The following TRIP12 variants were observed in gnomAD, a reference collection of about 807,000 sequenced individuals.
TRIP12 encodes E3 ubiquitin-protein ligase TRIP12.
A neutral mutation model predicts 244.2 loss-of-function variants in TRIP12; 25 were observed. That is an observed-to-expected ratio of 0.10 (90% CI 0.07 to 0.14). The LOEUF is 0.14. Among genes scored for constraint, TRIP12 ranks in the 10% least tolerant of loss-of-function variants. The probability of loss-of-function intolerance (pLI) is 1.00; values close to 1 mark genes in which losing one functional copy is unlikely to be tolerated. For synonymous variants in TRIP12, 905 were observed against 873.1 expected, an observed-to-expected ratio of 1.04 and a Z score of -0.64; for missense variants, 1,677 against 2,486.4, an observed-to-expected ratio of 0.67 and a Z score of 6.92.
intron 1 of TRIP12, among the ~76,000 whole-genome samples, chr2:229,896,745 A>T (rs975377991): frequency 6.6e-6 from 1 of 152,244 alleles, no homozygotes; most frequent in Non-Finnish European, 1.5e-5. Flanking sequence ...AGATAATCTA[A>T]GAAACAAGAA....
intron 1 of TRIP12, among the ~76,000 whole-genome samples, chr2:229,916,760 A>C (rs946680772): frequency 6.6e-6 from 1 of 152,152 alleles, no homozygotes; most frequent in African/African-American, 2.4e-5. Context: ...TCAGTCTAGG[A>C]AACCTCTTTT....
intron 21 of TRIP12, 95 bp from the exon 22 acceptor site, chr2:229,799,478 G>C: frequency 8.7e-7 from 1 of 1,154,062 alleles, no homozygotes; most frequent in Non-Finnish European, 1.3e-6. Context: ...GAAACAGGGA[G>C]TAATAAAATA....
intron 21 of TRIP12, among the ~76,000 whole-genome samples, chr2:229,799,646 G>A (rs1446142650): frequency 6.6e-6 from 1 of 151,968 alleles, no homozygotes; most frequent in African/African-American, 2.4e-5. Flanking sequence ...GTGGTGGCGG[G>A]CGCCTGTAGT....
intron 8 of TRIP12, among the ~76,000 whole-genome samples, chr2:229,823,678 A>C: frequency 6.6e-6 from 1 of 151,684 alleles, no homozygotes; most frequent in East Asian, 1.9e-4. Context: ...CTGTCTCAAA[A>C]AAAAAAAACA....
At position 229,880,101 on chromosome 2, in the gene TRIP12, A is replaced by T; in HGVS notation, c.-22T>A. 6.2e-7 allele frequency: 1 copy of T among 1,606,514 alleles called. No individual in the cohort carries two copies. Among genetic ancestry groups the T allele is most frequent in the Non-Finnish European group, 8.5e-7 (1 of 1,174,206 alleles). Reference sequence around the variant, plus strand: ...ACATTGGCACCTCTCTCTTGAAGGGACATACCCTTTCTAGACACTACCATT... The same window carrying T: ...ACATTGGCACCTCTCTCTTGAAGGGTCATACCCTTTCTAGACACTACCATT... On this transcript the variant is annotated 5_prime_UTR_variant, in exon 2 of 42. Transcript: ENST00000675903.
chr2:229,822,562 TA>T (rs1469148517), intron 8 of TRIP12, among the ~76,000 whole-genome samples: 1 of 152,194 alleles, frequency 6.6e-6, no homozygotes, highest in Non-Finnish European at 1.5e-5. Context: ...TGATTAAAGT[TA>T]GAGTGATCAG....
rs563712976 is a variant in TRIP12 at position 229,857,917 on chromosome 2, A to G, written c.1027+855T>C. On this transcript the variant is annotated intron_variant, in intron 4 of 41. Transcript: ENST00000675903. ...ACTTAGGACACAGAGTAGTGTATAT[A>G]AGAGTAGTGAAACATAAGTAGTATT... 7.9e-5 allele frequency among the ~76,000 whole-genome samples: 12 copies of G among 152,356 alleles called. No homozygotes were observed. The East Asian group carries it at 2.1e-3, about 27-fold the overall frequency.
chr2:229,770,924 G>T (rs1242968934), intron 39 of TRIP12, among the ~76,000 whole-genome samples: 1 of 152,126 alleles, frequency 6.6e-6, no homozygotes, highest in Non-Finnish European at 1.5e-5. Flanking sequence ...GGAACTCTAA[G>T]TCTAATAAAC....
chr2:229,799,643 CGG>C (rs2043743071), intron 21 of TRIP12, among the ~76,000 whole-genome samples: 1 of 151,840 alleles, frequency 6.6e-6, no homozygotes, highest in African/African-American at 2.4e-5. Flanking sequence ...GGCGTGGTGG[CGG>C]GCGCCTGTAG....
Position 229,859,210 on chromosome 2 carries a change from A to C in TRIP12, c.589T>G (p.Ser197Ala), listed in dbSNP as rs1292945183. ...GACCCGGAGCCACTCTTTACACAAG[A>C]ACTCTCTGTCCTTTTTCTTTTCTGA... ...RSQKRKRTES[S>A]CVKSGSGSES... The change falls in exon 4 of 42, where the codon TCT (serine) becomes GCT (alanine). Residue 197 changes from serine to alanine, a missense_variant. Ser to Ala is a moderately conservative substitution (Grantham distance 99). This residue lies in a region of TRIP12 where 387 missense variants were observed against 392.6 expected (regional missense o/e 0.99). Coordinates refer to ENST00000675903, the MANE Select transcript of TRIP12 (RefSeq NM_001348323.3). The C allele has an allele frequency of 6.2e-7, 1 of 1,614,086 alleles. No individual in the cohort carries two copies. The highest frequency in any genetic ancestry group is 1.1e-5 in the South Asian group (1 of 91,078).
intron 1 of TRIP12, among the ~76,000 whole-genome samples, chr2:229,906,891 T>C (rs1476933146): frequency 6.6e-6 from 1 of 152,154 alleles, no homozygotes; most frequent in Non-Finnish European, 1.5e-5. Context: ...GTATGCCATA[T>C]CACACTGCTA....
In TRIP12 at chr2:229,769,259, T is replaced by G. The variant is rs137933323; in HGVS notation, c.5875A>C (p.Arg1959=). The change falls in exon 40 of 42, where the codon AGG becomes CGG. Residue 1959 remains arginine, a synonymous_variant. Coordinates refer to ENST00000675903, the MANE Select transcript of TRIP12 (RefSeq NM_001348323.3). ...WDAKTLMECC[R]PDHGYTHDSR... is the part of the protein sequence containing the mutation. Reference sequence around the variant, plus strand: ...TCATGAGTATAACCATGATCAGGCCTACAGCATTCCATCAGTGTCTTTGCA... The same window carrying G: ...TCATGAGTATAACCATGATCAGGCCGACAGCATTCCATCAGTGTCTTTGCA... 1.3e-5 allele frequency: 21 copies of G among 1,614,084 alleles called. No individual in the cohort carries two copies. Among genetic ancestry groups the G allele is most frequent in the Middle Eastern group, 1.6e-4 (1 of 6,062 alleles).
chr2:229,806,927 T>C lies in TRIP12; in HGVS notation c.2496+781A>G, dbSNP rs534485811. On this transcript the variant is annotated intron_variant, in intron 17 of 41. Transcript: ENST00000675903. ...TAGATAAATTCTTACAGGTGTCTCATGTATTGAAAATAGTAAATTATGCAT... is the reference window on the plus strand; with the variant it reads ...TAGATAAATTCTTACAGGTGTCTCACGTATTGAAAATAGTAAATTATGCAT... Among the ~76,000 whole-genome samples the C allele has an allele frequency of 1.1e-3, 162 of 152,344 alleles. 1 individual carries two copies. Among genetic ancestry groups the C allele is most frequent in the Non-Finnish European group, 2.0e-3 (139 of 68,028 alleles).
At chr2:229,842,469 T>C (rs886577210) in intron 4 of TRIP12, among the ~76,000 whole-genome samples, 5 of 152,190 alleles carry the variant, frequency 3.3e-5, no homozygotes, top group African/African-American at 4.8e-5. Context: ...TCAGAAAGTA[T>C]TCAATTTTAC....
chr2:229,809,352 A>C (rs2046683485), intron 15 of TRIP12, among the ~76,000 whole-genome samples: 1 of 152,196 alleles, frequency 6.6e-6, no homozygotes, highest in African/African-American at 2.4e-5. Flanking sequence ...AGACAGATAG[A>C]AGAGGCCTAC....
chr2:229,830,079 C>T (rs76573392), intron 7 of TRIP12, among the ~76,000 whole-genome samples: 8,763 of 152,208 alleles, frequency 0.058, 852 homozygotes, highest in African/African-American at 0.2. Flanking sequence ...AAGCCTCACA[C>T]TGAGATCTGT....
At chr2:229,807,373 G>A in intron 17 of TRIP12, 2 of 313,128 alleles carry the variant, frequency 6.4e-6, no homozygotes, top group Non-Finnish European at 1.2e-5. Context: ...TTTGCTCATG[G>A]GACATTGCTT....
intron 2 of TRIP12, among the ~76,000 whole-genome samples, chr2:229,874,086 G>C (rs2063174156): frequency 6.6e-6 from 1 of 151,450 alleles, no homozygotes; most frequent in Non-Finnish European, 1.5e-5. Context: ...CCATGTTAGT[G>C]AATCAACACC....
rs1179222098 is a variant in TRIP12 at position 229,764,368 on chromosome 2, C to T, written c.*3186G>A. The T allele has an allele frequency of 2.6e-5, 4 of 152,056 alleles. No individual in the cohort carries two copies. The highest frequency in any genetic ancestry group is 9.7e-5 in the African/African-American group (4 of 41,394). The allele number at this position is 152,056 out of a possible 1,614,324, so 9.4% of individuals were successfully genotyped here. The stretch of plus-strand genomic sequence containing the variant: ...TTCCAAACAATTATTCTCATTACAG[C>T]AGGGAAAACAAAATGGATCAAAAAA... On this transcript the variant is annotated 3_prime_UTR_variant, in exon 42 of 42. Coordinates refer to ENST00000675903, the MANE Select transcript of TRIP12 (RefSeq NM_001348323.3).
Sources: gnomAD v4.1 joint callset for allele counts (sites outside exome capture counted in the v4.1 genomes callset) on GRCh38, gnomAD v4.1.1 for gene constraint, gnomAD v4.1.1 regional missense constraint, MANE v1.5 for transcripts, NCBI Gene and HGNC (gene_info 2026-07-23, HGNC 2026-07-21) for gene names.